Variants in GALNS observed in about 807,000 individuals in gnomAD.
GALNS encodes galactosamine (N-acetyl)-6-sulfatase.
A neutral mutation model predicts 65.9 loss-of-function variants in GALNS; 65 were observed. The ratio of observed to expected loss-of-function variants is 0.99; its 90% confidence interval spans 0.81 to 1.21. The LOEUF is 1.21. Ranked by LOEUF, GALNS falls within the 50% of genes most tolerant of loss-of-function variation. GALNS has a pLI of 0.00. For synonymous variants in GALNS, 346 were observed against 288.9 expected (o/e 1.20, Z -2.00); for missense variants, 776 against 700.7 (o/e 1.11, Z -1.21).
rs78178561 is a variant in GALNS, at chr16:88,841,436, C to T, written c.320-342G>A. Among the ~76,000 whole-genome samples the T allele has an allele frequency of 0.06, 9,071 of 152,234 alleles. 341 individuals are homozygous for T. The highest frequency in any genetic ancestry group is 0.16 in the Middle Eastern group (46 of 294). Reference sequence around the variant, plus strand: ...CTCCAGGGGTCTCTGGAATATGCCACGTGATGCTGCACTGCCCCACCCCTG... The same window carrying T: ...CTCCAGGGGTCTCTGGAATATGCCATGTGATGCTGCACTGCCCCACCCCTG... On this transcript the variant is annotated intron_variant, in intron 3 of 13. Coordinates refer to ENST00000268695, the MANE Select transcript of GALNS (RefSeq NM_000512.5).
intron 1 of GALNS, among the ~76,000 whole-genome samples, chr16:88,848,833 C>T (rs1967374467): frequency 6.6e-6 from 1 of 152,228 alleles, no homozygotes. Context: ...CGCGGGAGGA[C>T]AGTGGGCCGC....
intron 1 of GALNS, chr16:88,855,282 C>T (rs1567548340): frequency 1.4e-6 from 1 of 700,270 alleles, no homozygotes; most frequent in South Asian, 1.5e-5. Context: ...GAGGCTTCAC[C>T]TGCAGAGCCC....
At chr16:88,822,881 G>A (rs943993057) in intron 11 of GALNS, among the ~76,000 whole-genome samples, 171 bp from the exon 12 acceptor site, 2 of 152,158 alleles carry the variant, frequency 1.3e-5, no homozygotes, top group Admixed American at 1.3e-4. Context: ...CCTGTGCCTA[G>A]CAGCGTCCCT....
intron 1 of GALNS, among the ~76,000 whole-genome samples, chr16:88,847,065 A>G (rs959767559): frequency 3.5e-4 from 53 of 152,346 alleles, no homozygotes; most frequent in African/African-American, 1.2e-3. Flanking sequence ...TCTGGCAGCC[A>G]AAGCCTTCAG....
intron 9 of GALNS, among the ~76,000 whole-genome samples, chr16:88,829,851 C>T (rs1393049312): frequency 6.6e-6 from 1 of 152,214 alleles, no homozygotes; most frequent in Non-Finnish European, 1.5e-5. Flanking sequence ...GCAGACACAA[C>T]GCAGGCCGCT....
At chr16:88,843,222 G>C (rs1480755780) in intron 1 of GALNS, 14 of 1,309,878 alleles carry the variant, frequency 1.1e-5, no homozygotes, top group Non-Finnish European at 1.4e-5. Flanking sequence ...TAAATACACA[G>C]GCCCTCGTAT....
chr16:88,845,826 T>TA lies in GALNS; in HGVS notation c.121-2998dup, dbSNP rs771068463. Among the ~76,000 whole-genome samples the TA allele has an allele frequency of 6.9e-3, 863 of 124,498 alleles. 9 individuals carry two copies. Among genetic ancestry groups the TA allele is most frequent in the African/African-American group, 0.021 (712 of 33,326 alleles). 81.7% of individuals were successfully genotyped at this position (124,498 alleles called of 152,430 possible). The stretch of plus-strand genomic sequence containing the variant: ...GGACAACACAGCAAGACTCCAACTC[T>TA]AAAAAAAAAAAAAAAGCCAAGTGTG... On this transcript the variant is annotated intron_variant, in intron 1 of 13. Transcript: ENST00000268695.
chr16:88,821,120 A>T (rs1175869194), intron 12 of GALNS, among the ~76,000 whole-genome samples: 1 of 152,074 alleles, frequency 6.6e-6, no homozygotes, highest in Non-Finnish European at 1.5e-5. Context: ...CCCACAACAT[A>T]TGACCATGAA....
Position 88,837,729 on chromosome 16 carries a change from C to A in GALNS, c.459G>T (p.Lys153Asn). 6.2e-7 allele frequency: 1 copy of A among 1,614,028 alleles called. No homozygotes were observed. The highest frequency in any genetic ancestry group is 8.5e-7 in the Non-Finnish European group (1 of 1,180,014). The change falls in exon 5 of 14, where the codon AAG becomes AAT. Residue 153 changes from lysine to asparagine, a missense_variant. By Grantham distance (94) the Lys-to-Asn change is moderately conservative. Transcript: ENST00000268695. ...ATCCAAACCACTCATCAAATCCGTG[C>A]TTCAGGGGGTGGAACTGGGGCCTGT... ...LGHRPQFHPLKHGFDEWFGSP... is the reference protein window; with the variant it reads ...LGHRPQFHPLNHGFDEWFGSP...
At chr16:88,825,327 G>C (rs1366237195) in intron 10 of GALNS, among the ~76,000 whole-genome samples, 1 of 130,164 alleles carries the variant, frequency 7.7e-6, no homozygotes, top group Non-Finnish European at 1.6e-5. Flanking sequence ...GGTATCTGGG[G>C]TGCCTGGGTG....
intron 13 of GALNS, chr16:88,815,404 C>CCT: frequency 1.0e-6 from 1 of 985,486 alleles, no homozygotes; most frequent in Non-Finnish European, 1.2e-6. Context: ...GAAGCCAGTC[C>CCT]CTACTGCGCT....
intron 4 of GALNS, among the ~76,000 whole-genome samples, chr16:88,838,377 C>T (rs7196283): frequency 5.9e-5 from 9 of 151,516 alleles, no homozygotes; most frequent in African/African-American, 1.2e-4. Flanking sequence ...ATTAGAGTGA[C>T]GACAAGAGAA....
intron 10 of GALNS, among the ~76,000 whole-genome samples, chr16:88,825,855 C>T (rs1910838119): frequency 6.6e-6 from 1 of 152,174 alleles, no homozygotes. Context: ...ACTCCCTCTA[C>T]CCGGCCCCAG....
rs1293637427 is a variant in GALNS, at chr16:88,841,904, G to C, written c.312C>G (p.Ala104=). ...AGGCGGTGGGCAGCCTACCGTTTCTGGCATGGGCGTTGGTGGTGTAGAAGC... is the reference window on the plus strand; with the variant it reads ...AGGCGGTGGGCAGCCTACCGTTTCTCGCATGGGCGTTGGTGGTGTAGAAGC... ...RNGFYTTNAH[A]RNAYTPQEIV... The change falls in exon 3 of 14, where the codon GCC becomes GCG. Residue 104 remains alanine (A), a synonymous_variant. Transcript: ENST00000268695. 2 of 1,613,062 alleles carry C rather than the reference G, an allele frequency of 1.2e-6. No homozygotes were observed. The highest frequency in any genetic ancestry group is 2.2e-5 in the East Asian group (1 of 44,850).
chr16:88,840,659 C>T, intron 4 of GALNS: 2 of 407,434 alleles, frequency 4.9e-6, no homozygotes, highest in East Asian at 5.7e-5. Context: ...ATGACGTGGC[C>T]CCTCCAAGGA....
At chr16:88,829,668 C>CCAGG (rs1911282784) in intron 9 of GALNS, among the ~76,000 whole-genome samples, 1 of 152,252 alleles carries the variant, frequency 6.6e-6, no homozygotes, top group Admixed American at 6.5e-5. Flanking sequence ...GGATCCACAG[C>CCAGG]CAGGCGCCTG....
intron 10 of GALNS, among the ~76,000 whole-genome samples, chr16:88,825,714 C>T (rs971982545): frequency 2.6e-5 from 4 of 151,992 alleles, no homozygotes; most frequent in African/African-American, 4.8e-5. Flanking sequence ...GATAAGCAGG[C>T]GGCACGGGGT....
chr16:88,819,051 C>T (rs1433990420), intron 12 of GALNS, among the ~76,000 whole-genome samples: 5 of 152,226 alleles, frequency 3.3e-5, no homozygotes, highest in Admixed American at 2.0e-4. Context: ...GAGGTGAGCC[C>T]GGACCCACTG....
chr16:88,836,037 G>A (rs947499945), intron 6 of GALNS, among the ~76,000 whole-genome samples, 164 bp downstream of exon 6: 8 of 145,474 alleles, frequency 5.5e-5, no homozygotes, highest in South Asian at 2.2e-4. Flanking sequence ...TGCGGTCCCC[G>A]TCCCCACGCG....
Sources: allele counts gnomAD v4.1 joint callset (sites outside exome capture counted in the v4.1 genomes callset), GRCh38; gene constraint gnomAD v4.1.1; transcripts MANE v1.5; gene names NCBI Gene and HGNC (gene_info 2026-07-23, HGNC 2026-07-21).